CIC: variants seen among roughly 807,000 people sequenced by gnomAD.
CIC encodes capicua transcriptional repressor.
Under a neutral mutation model 115.7 loss-of-function variants are expected in CIC, and 18 were observed. The observed-to-expected ratio is 0.16, with a 90% confidence interval of 0.11 to 0.23. CIC has a LOEUF of 0.23. Ranked by LOEUF, CIC falls within the 10% of genes least tolerant of loss-of-function variation. The pLI is 1.00. For synonymous variants in CIC, 1,076 were observed against 923.0 expected (o/e 1.17, Z -3.01); for missense variants, 2,000 against 2,159.3 (o/e 0.93, Z 1.46).
chr19:42,284,573 G>T (rs949704018), intron 2 of CIC: 9 of 326,624 alleles, frequency 2.8e-5, no homozygotes, highest in East Asian at 1.1e-4. Context: ...GCGGCGGGGG[G>T]GGGGGCATGC....
At chr19:42,283,650 C>G (rs971813992) in intron 2 of CIC, among the ~76,000 whole-genome samples, 209 of 152,098 alleles carry the variant, frequency 1.4e-3, no homozygotes, top group African/African-American at 5.0e-3. Flanking sequence ...CGCGCCCAGG[C>G]GGGTGTGCGG....
rs1246007487 is a variant in CIC at position 42,292,733 on chromosome 19, C to T, written c.6070C>T (p.Pro2024Ser). 2 of 1,613,878 alleles carry T rather than the reference C, an allele frequency of 1.2e-6. No homozygotes were observed. Among genetic ancestry groups the T allele is most frequent in the Admixed American group, 1.7e-5 (1 of 60,028 alleles). Residue 2024 changes from proline to serine, a missense_variant, in exon 15 of 21, where the codon CCC becomes TCC. Pro to Ser is a moderately conservative substitution (Grantham distance 74). Around this residue, in one of 8 missense-constraint regions of CIC, gnomAD observed 1,466 missense variants for 1,390.4 expected, o/e 1.05. Coordinates refer to ENST00000681038, the MANE Select transcript of CIC (RefSeq NM_001386298.1). ...SAPLAQPSQAPPSLVYTVATS... is the reference protein window; with the variant it reads ...SAPLAQPSQASPSLVYTVATS... ...ACCCCTGGCCCAGCCATCCCAGGCC[C>T]CCCCAAGCCTGGTCTACACTGTGGC...
rs1469705238 is a variant in CIC, at chr19:42,280,152, GCCT to G, written c.2794+5581_2794+5583del. ...CGGCTGGACCCTAGCCCGCCGCGCC[GCCT>G]CCTCCACCCCCACCCTATCCCCTGT... On this transcript the variant is annotated intron_variant, in intron 2 of 20. Coordinates refer to ENST00000681038, the MANE Select transcript of CIC (RefSeq NM_001386298.1). This position sits in a 1 kb window ranked among gnomAD's most constrained non-coding sequence, Gnocchi z 4.9. 4 of 151,782 alleles carry G rather than the reference GCCT, an allele frequency of 2.6e-5. No homozygotes were observed. Among genetic ancestry groups the G allele is most frequent in the African/African-American group, 9.7e-5 (4 of 41,288 alleles). The allele number at this position is 151,782 out of a possible 1,614,324, so 9.4% of individuals were successfully genotyped here. A position where few individuals can be genotyped will look rare whatever the true frequency, so the allele number is the denominator to read the frequency against.
At chr19:42,279,054 C>T (rs2037106234) in intron 2 of CIC, among the ~76,000 whole-genome samples, 1 of 152,214 alleles carries the variant, frequency 6.6e-6, no homozygotes, top group Non-Finnish European at 1.5e-5. Context: ...CATTTGATGC[C>T]AGCTTCATTG....
At chr19:42,276,216 AGTC>A (rs1233810809) in intron 2 of CIC, among the ~76,000 whole-genome samples, 7 of 152,248 alleles carry the variant, frequency 4.6e-5, no homozygotes, top group Admixed American at 2.0e-4. Context: ...GAATCTGGAA[AGTC>A]AAAGACTCTA....
rs2038466594 is a variant in CIC at position 42,295,742 on chromosome 19, T to TCG, written c.*551_*552insCG. The TCG allele has an allele frequency of 4.5e-6, 1 of 220,066 alleles. No homozygotes were observed. Among genetic ancestry groups the TCG allele is most frequent in the African/African-American group, 2.3e-5 (1 of 44,422 alleles). 13.6% of individuals were successfully genotyped at this position (220,066 alleles called of 1,614,324 possible). On this transcript the variant is annotated 3_prime_UTR_variant, in exon 21 of 21. Coordinates refer to ENST00000681038, the MANE Select transcript of CIC (RefSeq NM_001386298.1). ...AACAAAACATGTTGATCATGTGCAA[T>TCG]ATTTCTTACTGTGCCGAGAAGCCGC...
At position 42,290,313 on chromosome 19, in the gene CIC, A is replaced by G. The variant is rs1265184268; in HGVS notation, c.4272A>G (p.Pro1424=). The part of the protein sequence containing the change: ...HCRPPLDPEP[P]GPPDPPVAFG... ...GCCCCCCACTGGACCCTGAGCCCCC[A>G]GGGCCCCCGGATCCTCCTGTAGCCT... Residue 1424 remains proline, a synonymous_variant, in exon 11 of 21, where the codon CCA becomes CCG. Transcript: ENST00000681038. 1 of 1,613,862 alleles carries G rather than the reference A, an allele frequency of 6.2e-7. No individual in the cohort carries two copies. The highest frequency in any genetic ancestry group is 8.5e-7 in the Non-Finnish European group (1 of 1,179,920).
intron 2 of CIC, among the ~76,000 whole-genome samples, chr19:42,277,247 T>G (rs994173501): frequency 6.6e-6 from 1 of 152,194 alleles, no homozygotes; most frequent in African/African-American, 2.4e-5. Flanking sequence ...GCCAGGATTT[T>G]GAGACAGAGT....
rs774236824 is a variant in CIC at position 42,290,191 on chromosome 19, C to T, written c.4192-42C>T. 221 of 1,613,052 alleles carry T rather than the reference C, an allele frequency of 1.4e-4. 1 individual carries two copies. Among genetic ancestry groups the T allele is most frequent in the South Asian group, 1.1e-3 (99 of 91,032 alleles). On this transcript the variant is annotated intron_variant, in intron 10 of 20. Transcript: ENST00000681038. The stretch of plus-strand genomic sequence containing the variant: ...GGCTAGGGGGCTGCTATCGAGGTGT[C>T]GGAGTGTCCTGACCTGGGGTGTCTC...
At chr19:42,281,872 G>C (rs1028948729) in intron 2 of CIC, among the ~76,000 whole-genome samples, 2 of 152,228 alleles carry the variant, frequency 1.3e-5, no homozygotes, top group Non-Finnish European at 2.9e-5. Context: ...TCCCTCCTGT[G>C]CCATGCCTGG....
rs1158987717 is a variant in CIC at position 42,295,147 on chromosome 19, TC to T, written c.7517del (p.Pro2506HisfsTer23). 36 of 347,372 alleles carry T rather than the reference TC, an allele frequency of 1.0e-4. No homozygotes were observed. The highest frequency in any genetic ancestry group is 1.3e-4 in the Non-Finnish European group (28 of 217,444). The allele number at this position is 347,372 out of a possible 1,614,324, so 21.5% of individuals were successfully genotyped here. A position where few individuals can be genotyped will look rare whatever the true frequency, so the allele number is the denominator to read the frequency against. The part of the protein sequence containing the change: ...QPGWEGAPQP[S>X]PPPPGPSTAA... ...TGGCTGGGAGGGGGCTCCCCAGCCC[TC>T]CCCCCCACCCCCAGGTCCCTCCACA... On this transcript the variant is annotated frameshift_variant, in exon 21 of 21. Coordinates refer to ENST00000681038, the MANE Select transcript of CIC (RefSeq NM_001386298.1). LOFTEE classifies it high-confidence loss of function.
Position 42,270,974 on chromosome 19 carries a change from C to T in CIC, c.-10-800C>T, listed in dbSNP as rs1023856137. On this transcript the variant is annotated intron_variant, in intron 1 of 20. Coordinates refer to ENST00000681038, the MANE Select transcript of CIC (RefSeq NM_001386298.1). The surrounding 1 kb of genome is among the most constrained non-coding windows in gnomAD (Gnocchi z 4.1). Reference sequence around the variant, plus strand: ...TGGGGAGATGGCTGTACCTGGCAGCCCTAGGGTGCAGAGCAGAGTGGGCAG... The same window carrying T: ...TGGGGAGATGGCTGTACCTGGCAGCTCTAGGGTGCAGAGCAGAGTGGGCAG... Among the ~76,000 whole-genome samples the T allele has an allele frequency of 6.6e-6, 1 of 151,988 alleles. No individual in the cohort carries two copies. The highest frequency in any genetic ancestry group is 1.5e-5 in the Non-Finnish European group (1 of 67,968).
intron 12 of CIC, 50 bp from the exon 13 acceptor site, chr19:42,292,036 C>T: frequency 2.5e-6 from 4 of 1,611,846 alleles, no homozygotes; most frequent in Non-Finnish European, 3.4e-6. Flanking sequence ...TTCCCCTGCC[C>T]CAGTCTGGGG....
In CIC at chr19:42,273,841, C is replaced by T; in HGVS notation, c.2058C>T (p.Ala686=). ...PDLGPHPPPP[A]PRERHSSGIL... Reference sequence around the variant, plus strand: ...TGGGCCCCCACCCACCGCCACCTGCCCCCCGAGAGCGCCACTCCTCTGGAA... The same window carrying T: ...TGGGCCCCCACCCACCGCCACCTGCTCCCCGAGAGCGCCACTCCTCTGGAA... The change falls in exon 2 of 21, where the codon GCC becomes GCT. Residue 686 remains alanine, a synonymous_variant. Transcript: ENST00000681038. 2.5e-6 allele frequency: 1 copy of T among 398,892 alleles called. No homozygotes were observed. The highest frequency in any genetic ancestry group is 4.4e-6 in the Non-Finnish European group (1 of 226,274). 24.7% of individuals were successfully genotyped at this position (398,892 alleles called of 1,614,324 possible).
chr19:42,288,084 G>A (rs931879937), intron 7 of CIC, 109 bp downstream of exon 7: 8 of 1,321,562 alleles, frequency 6.1e-6, no homozygotes, highest in East Asian at 5.1e-5. Context: ...CTGCTCTATC[G>A]CTTTAATTTG....
rs200443304 is a variant in CIC, at chr19:42,294,614, C to T, written c.7065C>T (p.Ala2355=). The T allele has an allele frequency of 2.2e-4, 363 of 1,613,508 alleles. No homozygotes were observed. The highest frequency in any genetic ancestry group is 5.0e-5 in the Admixed American group (3 of 60,022). ...IFTFDRTGTE[A]EDVLGELEYD... is the part of the protein sequence containing the mutation. ...CTGTGCCCTGCACAGGTACAGAAGCCGAGGACGTGCTTGGGGAGCTAGAGT... is the reference window on the plus strand; with the variant it reads ...CTGTGCCCTGCACAGGTACAGAAGCTGAGGACGTGCTTGGGGAGCTAGAGT... The change falls in exon 20 of 21, where the codon GCC becomes GCT. Residue 2355 remains alanine, a synonymous_variant. Transcript: ENST00000681038.
rs574871543 is a variant in CIC, at chr19:42,291,574, C to T, written c.5442C>T (p.Pro1814=). Reference sequence around the variant, plus strand: ...AACTTCCAGCCCAGTCAGTTTCTCCCGTGCAGGCCCCGCCCCCGGGTGGCT... The same window carrying T: ...AACTTCCAGCCCAGTCAGTTTCTCCTGTGCAGGCCCCGCCCCCGGGTGGCT... ...APPPKAQSVS[P]VQAPPPGGSA... is the part of the protein sequence containing the mutation. Residue 1814 remains proline, a synonymous_variant, in exon 12 of 21, where the codon CCC becomes CCT. Coordinates refer to ENST00000681038, the MANE Select transcript of CIC (RefSeq NM_001386298.1). 201 of 1,613,050 alleles carry T rather than the reference C, an allele frequency of 1.2e-4. No individual in the cohort carries two copies. The highest frequency in any genetic ancestry group is 6.3e-4 in the South Asian group (57 of 91,082).
At chr19:42,284,742 GCGCGGCCTCC>G in intron 2 of CIC, 1 of 1,557,704 alleles carries the variant, frequency 6.4e-7, no homozygotes. Flanking sequence ...CCCGCGTCCA[GCGCGGCCTCC>G]CGTGGCCTCG....
chr19:42,286,853 C>A lies in CIC; in HGVS notation c.2877C>A (p.Asp959Glu), dbSNP rs752757853. ...CCTTCCTGGCACCCAGCCAGCCTGA[C>A]CCCTCCGTGCAGCCGAGCGAGGCCC... ...LVPFLAPSQP[D>E]PSVQPSEAQQ... Residue 959 changes from aspartate to glutamate, a missense_variant, in exon 3 of 21, where the codon GAC becomes GAA. Physicochemically the swap from Asp to Glu is conservative, Grantham distance 45. Coordinates refer to ENST00000681038, the MANE Select transcript of CIC (RefSeq NM_001386298.1). 1 of 1,613,824 alleles carries A rather than the reference C, an allele frequency of 6.2e-7. No individual in the cohort carries two copies. Among genetic ancestry groups the A allele is most frequent in the Non-Finnish European group, 8.5e-7 (1 of 1,179,994 alleles).
Sources: gnomAD v4.1 joint callset for allele counts (sites outside exome capture counted in the v4.1 genomes callset) on GRCh38, gnomAD v4.1.1 for gene constraint, gnomAD v4.1.1 regional missense constraint, Gnocchi (gnomAD v3.1) non-coding constraint, MANE v1.5 for transcripts, NCBI Gene and HGNC (gene_info 2026-07-23, HGNC 2026-07-21) for gene names.